Variants in TEKT5 observed in about 807,000 individuals in gnomAD.
TEKT5 encodes the protein tektin-5.
Under a neutral mutation model 48.7 loss-of-function variants are expected in TEKT5, and 52 were observed. That is an observed-to-expected ratio of 1.07 (90% confidence interval 0.86 to 1.35). TEKT5 has a LOEUF of 1.35. Among genes scored for constraint, TEKT5 ranks in the 40% most tolerant of loss-of-function variants. TEKT5 has a pLI of 0.00. For synonymous variants in TEKT5, 318 were observed against 267.6 expected (o/e 1.19, Z -1.84); for missense variants, 831 against 641.6 (o/e 1.30, Z -3.19).
intron 5 of TEKT5, among the ~76,000 whole-genome samples, chr16:10,664,508 T>C (rs1205533646): frequency 5.3e-5 from 8 of 152,254 alleles, no homozygotes; most frequent in Non-Finnish European, 7.3e-5. Context: ...ACCTAACTTT[T>C]GGTCCTCAGT....
intron 3 of TEKT5, among the ~76,000 whole-genome samples, chr16:10,685,043 T>C (rs1898836983): frequency 6.6e-6 from 1 of 152,160 alleles, no homozygotes; most frequent in Admixed American, 6.5e-5. Flanking sequence ...GGTTAATTAG[T>C]ATAACCCCAA....
intron 5 of TEKT5, among the ~76,000 whole-genome samples, chr16:10,648,680 T>A (rs1315383539): frequency 6.6e-6 from 1 of 152,194 alleles, no homozygotes; most frequent in Non-Finnish European, 1.5e-5. Flanking sequence ...TACCTCCTTG[T>A]CAATTCTCTT....
chr16:10,668,882 G>T (rs1007654604), intron 5 of TEKT5, among the ~76,000 whole-genome samples: 1 of 152,116 alleles, frequency 6.6e-6, no homozygotes, highest in South Asian at 2.1e-4. Context: ...TGAGGGAAGC[G>T]TGCTGTAATA....
Position 10,668,920 on chromosome 16 carries a change from GA to G in TEKT5, c.1086+7038del, listed in dbSNP as rs148672437. 0.015 allele frequency among the ~76,000 whole-genome samples: 2,273 copies of G among 152,214 alleles called. 134 individuals are homozygous for G. The East Asian group carries it at 0.17, about 11-fold the overall frequency. ...GAGTGGTGGGGTCTGAGGCTAACTG[GA>G]GCACCTGACCCAAAGAGAGGCAGCA... On this transcript the variant is annotated intron_variant, in intron 5 of 6. Transcript: ENST00000283025.
chr16:10,652,228 G>C (rs1898170416), intron 5 of TEKT5, among the ~76,000 whole-genome samples: 2 of 152,022 alleles, frequency 1.3e-5, no homozygotes, highest in African/African-American at 2.4e-5. Flanking sequence ...TCGGCACACA[G>C]AGCTGGCAGA....
intron 5 of TEKT5, among the ~76,000 whole-genome samples, chr16:10,664,801 C>T (rs1898431498): frequency 6.6e-6 from 1 of 152,180 alleles, no homozygotes; most frequent in Non-Finnish European, 1.5e-5. Context: ...AGGTTCTTTC[C>T]GTTACTTTGT....
At chr16:10,643,975 G>A (rs1898033059) in intron 5 of TEKT5, among the ~76,000 whole-genome samples, 1 of 152,182 alleles carries the variant, frequency 6.6e-6, no homozygotes, top group Non-Finnish European at 1.5e-5. Flanking sequence ...CCGGGAGGAG[G>A]AGGTTGCAGT....
chr16:10,632,739 G>A (rs1897856015), intron 6 of TEKT5, among the ~76,000 whole-genome samples: 1 of 152,080 alleles, frequency 6.6e-6, no homozygotes, highest in African/African-American at 2.4e-5. Context: ...GGAGAGGACG[G>A]GGACAAGGAA....
At chr16:10,682,797 T>G (rs191055328) in intron 3 of TEKT5, among the ~76,000 whole-genome samples, 228 of 152,338 alleles carry the variant, frequency 1.5e-3, no homozygotes, top group African/African-American at 5.3e-3. Context: ...AAAACTTTAT[T>G]TACAAAAACA....
intron 4 of TEKT5, 39 bp downstream of exon 4, chr16:10,681,954 G>T: frequency 6.2e-7 from 1 of 1,604,002 alleles, no homozygotes; most frequent in Non-Finnish European, 8.5e-7. Context: ...CACTCCAGTT[G>T]GACACGCCAG....
rs148337689 is a variant in TEKT5, at chr16:10,647,332, C to T, written c.1087-11414G>A. Among the ~76,000 whole-genome samples, 452 of 151,924 alleles carry T rather than the reference C, an allele frequency of 3.0e-3. 4 individuals are homozygous for T. The highest frequency in any genetic ancestry group is 0.011 in the African/African-American group (437 of 41,434). On this transcript the variant is annotated intron_variant, in intron 5 of 6. Transcript: ENST00000283025. ...AAAATTTAAAAAAAAATAAGCCGGG[C>T]GTGGTGGTGCACACCGGCGGTCCCA...
intron 5 of TEKT5, among the ~76,000 whole-genome samples, chr16:10,640,127 C>CTCCTCCCCTA (rs1897973933): frequency 7.6e-6 from 1 of 131,170 alleles, no homozygotes; most frequent in African/African-American, 3.0e-5. Flanking sequence ...CTCCTCCCCC[C>CTCCTCCCCTA]TTCCTCCTCC....
At chr16:10,670,047 A>AC (rs1483640838) in intron 5 of TEKT5, among the ~76,000 whole-genome samples, 2 of 152,240 alleles carry the variant, frequency 1.3e-5, no homozygotes, top group African/African-American at 4.8e-5. Flanking sequence ...GGCTGTCTGC[A>AC]CAGCCCCAAA....
chr16:10,674,824 TA>T (rs1421510709), intron 5 of TEKT5, among the ~76,000 whole-genome samples: 1 of 149,664 alleles, frequency 6.7e-6, no homozygotes, highest in East Asian at 2.0e-4. Flanking sequence ...GCACAGTTCT[TA>T]TTTTTTTTTT....
intron 5 of TEKT5, among the ~76,000 whole-genome samples, chr16:10,644,638 ACCAGGAAATGGCTT>A (rs1898043591): frequency 6.6e-6 from 1 of 152,184 alleles, no homozygotes; most frequent in African/African-American, 2.4e-5. Context: ...CTATGGGGGC[ACCAGGAAATGGCTT>A]CCTGACTATA....
intron 5 of TEKT5, among the ~76,000 whole-genome samples, chr16:10,666,280 C>T (rs538402005): frequency 1.3e-5 from 2 of 152,236 alleles, no homozygotes; most frequent in African/African-American, 2.4e-5. Context: ...TCAGGACTCA[C>T]GCAGATCTGA....
At chr16:10,639,334 A>G (rs955293549) in intron 5 of TEKT5, among the ~76,000 whole-genome samples, 1 of 152,068 alleles carries the variant, frequency 6.6e-6, no homozygotes, top group Non-Finnish European at 1.5e-5. Context: ...CAAAAAACCC[A>G]AACAGTTGTA....
At chr16:10,660,452 C>G (rs1898347098) in intron 5 of TEKT5, among the ~76,000 whole-genome samples, 1 of 152,030 alleles carries the variant, frequency 6.6e-6, no homozygotes, top group Non-Finnish European at 1.5e-5. Context: ...GGCCCAGGTT[C>G]CCATCTCAGC....
At position 10,649,396 on chromosome 16, in the gene TEKT5, C is replaced by G. The variant is rs555271662; in HGVS notation, c.1087-13478G>C. Among the ~76,000 whole-genome samples the G allele has an allele frequency of 3.3e-5, 5 of 152,076 alleles. No individual in the cohort carries two copies. The South Asian group carries it at 1.0e-3, about 32-fold the overall frequency. ...AAAGTTCTGGGATTATAGGCATGAA[C>G]CAATGCACTCCGCTGTGTCTCTTTT... is the stretch of plus-strand genomic sequence containing the variant. On this transcript the variant is annotated intron_variant, in intron 5 of 6. Coordinates refer to ENST00000283025, the MANE Select transcript of TEKT5 (RefSeq NM_144674.2).
Sources: gnomAD v4.1 joint callset for allele counts (sites outside exome capture counted in the v4.1 genomes callset) on GRCh38, gnomAD v4.1.1 for gene constraint, MANE v1.5 for transcripts, NCBI Gene and HGNC (gene_info 2026-07-23, HGNC 2026-07-21) for gene names.